RHOT1: variants seen among roughly 807,000 people sequenced by gnomAD.
The protein encoded by RHOT1 is ras homolog family member T1.
In RHOT1, 27 loss-of-function variants were observed where a neutral mutation model predicts 95.3. The ratio of observed to expected loss-of-function variants is 0.28; its 90% CI spans 0.21 to 0.39. The LOEUF is 0.39. RHOT1 is among the 10% of genes least tolerant of loss of function. RHOT1 has a pLI of 1.00. For synonymous variants in RHOT1, 227 were observed against 263.5 expected, an observed-to-expected ratio of 0.86 and a Z score of 1.34; for missense variants, 578 against 786.7, an observed-to-expected ratio of 0.73 and a Z score of 3.17.
At chr17:32,154,893 A>T (rs1239027016) in intron 1 of RHOT1, among the ~76,000 whole-genome samples, 4 of 138,836 alleles carry the variant, frequency 2.9e-5, no homozygotes, top group South Asian at 2.2e-4. Flanking sequence ...GGATCCATCT[A>T]AAAAAAAAAA....
At chr17:32,189,216 A>G (rs2036280782) in intron 8 of RHOT1, among the ~76,000 whole-genome samples, 1 of 152,124 alleles carries the variant, frequency 6.6e-6, no homozygotes, top group Non-Finnish European at 1.5e-5. Context: ...GGAGAATGGC[A>G]TGAACCCAGG....
At chr17:32,198,864 A>G in intron 11 of RHOT1, 83 bp from the exon 12 acceptor site, 1 of 894,156 alleles carries the variant, frequency 1.1e-6, no homozygotes, top group South Asian at 1.5e-5. Context: ...TACCTCACAA[A>G]AGACTTGTTG....
intron 1 of RHOT1, among the ~76,000 whole-genome samples, chr17:32,149,623 A>ATGTGTGTGTGTGTGTGTG (rs1304218827): frequency 3.5e-5 from 3 of 86,214 alleles, no homozygotes; most frequent in African/African-American, 1.6e-4. Context: ...ATATATATAT[A>ATGTGTGTGTGTGTGTGTG]TATATATATA....
At chr17:32,164,122 G>A (rs573174664) in intron 1 of RHOT1, among the ~76,000 whole-genome samples, 39 of 152,242 alleles carry the variant, frequency 2.6e-4, no homozygotes, top group Middle Eastern at 6.8e-3. Flanking sequence ...GCCACTGCGC[G>A]AAAAGAATAG....
intron 1 of RHOT1, among the ~76,000 whole-genome samples, chr17:32,157,114 A>G (rs2033044604): frequency 6.6e-6 from 1 of 152,248 alleles, no homozygotes; most frequent in African/African-American, 2.4e-5. Flanking sequence ...AAGGTAATAA[A>G]GAATAATATG....
chr17:32,195,395 T>A (rs1383097124), intron 11 of RHOT1, among the ~76,000 whole-genome samples: 1 of 152,196 alleles, frequency 6.6e-6, no homozygotes, highest in Admixed American at 6.5e-5. Flanking sequence ...ATTACAGACA[T>A]GAGCCACCAT....
At chr17:32,167,740 G>C (rs1412349841) in intron 1 of RHOT1, among the ~76,000 whole-genome samples, 3 of 152,116 alleles carry the variant, frequency 2.0e-5, no homozygotes, top group Non-Finnish European at 2.9e-5. Context: ...CTGATACAAG[G>C]CTGTTTCATC....
intron 16 of RHOT1, 93 bp from the exon 17 acceptor site, chr17:32,206,817 T>G (rs923884456): frequency 7.6e-5 from 70 of 923,014 alleles, no homozygotes; most frequent in Non-Finnish European, 1.1e-4. Flanking sequence ...CTTTTAAACT[T>G]AGGAAGTCCA....
intron 8 of RHOT1, among the ~76,000 whole-genome samples, chr17:32,184,496 T>C (rs2035884974): frequency 6.6e-6 from 1 of 152,054 alleles, no homozygotes; most frequent in South Asian, 2.1e-4. Flanking sequence ...TTTTTTATTT[T>C]TTTTTATTTT....
intron 16 of RHOT1, among the ~76,000 whole-genome samples, chr17:32,205,706 G>A (rs747316880): frequency 3.3e-5 from 5 of 152,144 alleles, no homozygotes; most frequent in Admixed American, 6.5e-5. Flanking sequence ...TTGGGAGGCC[G>A]AGGCGGGTGG....
intron 11 of RHOT1, among the ~76,000 whole-genome samples, chr17:32,195,499 G>T (rs1226362135): frequency 6.6e-6 from 1 of 152,184 alleles, no homozygotes; most frequent in Admixed American, 6.5e-5. Flanking sequence ...AGACCGCCTT[G>T]TTGCAGGATC....
intron 1 of RHOT1, 83 bp downstream of exon 1, chr17:32,142,812 C>A: frequency 8.1e-7 from 1 of 1,238,590 alleles, no homozygotes; most frequent in Non-Finnish European, 1.1e-6. Flanking sequence ...GCCCCTGCAG[C>A]CCCAACCTTT....
intron 1 of RHOT1, among the ~76,000 whole-genome samples, chr17:32,143,458 G>C (rs1412256346): frequency 6.6e-6 from 1 of 152,030 alleles, no homozygotes; most frequent in Non-Finnish European, 1.5e-5. Context: ...ATCTGGGGAG[G>C]GTCCAATTGT....
At chr17:32,223,630 G>A (rs887248904) in intron 19 of RHOT1, among the ~76,000 whole-genome samples, 2 of 151,920 alleles carry the variant, frequency 1.3e-5, no homozygotes, top group Non-Finnish European at 2.9e-5. Context: ...GGCCAGGCCA[G>A]TCTCGAACTC....
chr17:32,199,381 T>C, intron 12 of RHOT1, 24 bp from the exon 13 acceptor site: 1 of 1,594,924 alleles, frequency 6.3e-7, no homozygotes, highest in East Asian at 2.3e-5. Flanking sequence ...TATCTAAACA[T>C]TCTGTATCCT....
intron 1 of RHOT1, among the ~76,000 whole-genome samples, chr17:32,146,040 T>C (rs1298257221): frequency 2.0e-5 from 3 of 152,184 alleles, no homozygotes; most frequent in South Asian, 2.1e-4. Context: ...TATCATCCAG[T>C]GATTTCTACT....
At chr17:32,171,943 A>T (rs1330772388) in intron 2 of RHOT1, among the ~76,000 whole-genome samples, 2 of 152,224 alleles carry the variant, frequency 1.3e-5, no homozygotes, top group Admixed American at 6.5e-5. Context: ...CAATAAATTT[A>T]CATTTTGGAA....
At chr17:32,224,523 C>A in intron 19 of RHOT1, 93 bp from the exon 20 acceptor site, 1 of 793,768 alleles carries the variant, frequency 1.3e-6, no homozygotes, top group Non-Finnish European at 2.0e-6. Context: ...GACAAGTGTG[C>A]TAATACTTCC....
At chr17:32,152,772 G>T (rs1472961703) in intron 1 of RHOT1, among the ~76,000 whole-genome samples, 2 of 151,912 alleles carry the variant, frequency 1.3e-5, no homozygotes, top group African/African-American at 4.8e-5. Context: ...CAGTGTTGGG[G>T]ATTGGCTTAA....
Sources: allele counts gnomAD v4.1 joint callset (sites outside exome capture counted in the v4.1 genomes callset), GRCh38; gene constraint gnomAD v4.1.1; transcripts MANE v1.5; gene names NCBI Gene and HGNC (gene_info 2026-07-23, HGNC 2026-07-21).